The following CDH13 variants were observed in gnomAD, a reference collection of about 807,000 sequenced individuals.
CDH13 encodes the protein cadherin 13.
A neutral mutation model predicts 63.8 loss-of-function variants in CDH13; 24 were observed. The observed-to-expected ratio is 0.38, with a 90% CI of 0.27 to 0.53. The LOEUF (loss-of-function observed/expected upper bound fraction) is 0.53. Ranked by LOEUF, CDH13 falls within the 20% of genes least tolerant of loss-of-function variation. The pLI is 0.85. For synonymous variants in CDH13, 503 were observed against 355.3 expected (o/e 1.42, Z -4.67); for missense variants, 1,049 against 903.1 (o/e 1.16, Z -2.07).
chr16:83,451,902 T>G (rs1381336108), intron 6 of CDH13, among the ~76,000 whole-genome samples: 3 of 152,258 alleles, frequency 2.0e-5, no homozygotes, highest in Non-Finnish European at 4.4e-5. Flanking sequence ...TAATTTAAAA[T>G]GGAGCCTTCA....
chr16:82,899,119 G>A (rs1597168773), intron 2 of CDH13, among the ~76,000 whole-genome samples: 2 of 152,310 alleles, frequency 1.3e-5, no homozygotes, highest in South Asian at 2.1e-4. Context: ...AGAAATAGAG[G>A]GCACAGTGTG....
chr16:83,410,305 G>A (rs1171134544), intron 6 of CDH13, among the ~76,000 whole-genome samples: 2 of 152,142 alleles, frequency 1.3e-5, no homozygotes, highest in Non-Finnish European at 2.9e-5. Flanking sequence ...TTTATTTATT[G>A]CTTTTACTCT....
chr16:83,303,358 C>T (rs1245539582), intron 5 of CDH13, among the ~76,000 whole-genome samples: 2 of 152,152 alleles, frequency 1.3e-5, no homozygotes, highest in Non-Finnish European at 2.9e-5. Flanking sequence ...CAACTTTCTT[C>T]ATTGGGGAAT....
chr16:83,408,454 C>T (rs766688477), intron 6 of CDH13, among the ~76,000 whole-genome samples: 21 of 152,290 alleles, frequency 1.4e-4, no homozygotes, highest in Non-Finnish European at 3.1e-4. Flanking sequence ...GCCTAGGCTA[C>T]AAACCTGTAC....
At chr16:83,409,758 G>A (rs946982739) in intron 6 of CDH13, among the ~76,000 whole-genome samples, 5 of 152,192 alleles carry the variant, frequency 3.3e-5, no homozygotes, top group Non-Finnish European at 7.3e-5. Context: ...GTGGGATGTT[G>A]AGTGGTACAA....
At chr16:83,069,367 T>C (rs1437509523) in intron 3 of CDH13, among the ~76,000 whole-genome samples, 1 of 152,176 alleles carries the variant, frequency 6.6e-6, no homozygotes, top group Non-Finnish European at 1.5e-5. Context: ...TATGATCACA[T>C]AATTTTTGCA....
At chr16:83,551,891 G>A (rs2075507221) in intron 7 of CDH13, among the ~76,000 whole-genome samples, 1 of 152,144 alleles carries the variant, frequency 6.6e-6, no homozygotes, top group South Asian at 2.1e-4. Context: ...CTTAATGTTA[G>A]TTGAAAGAAA....
rs182377462 is a variant in CDH13 at position 83,047,296 on chromosome 16, T to C, written c.366+15078T>C. Among the ~76,000 whole-genome samples the C allele has an allele frequency of 1.6e-4, 25 of 152,318 alleles. No homozygotes were observed. Among genetic ancestry groups the C allele is most frequent in the Admixed American group, 7.9e-4 (12 of 15,282 alleles). On this transcript the variant is annotated intron_variant, in intron 3 of 13. Coordinates refer to ENST00000567109, the MANE Select transcript of CDH13 (RefSeq NM_001257.5). This position sits in a 1 kb window ranked among gnomAD's most constrained non-coding sequence, Gnocchi z 4.9. ...TCTGCTGTGAATTTAAGTCATCTAA[T>C]CAAAATGCATTATTTCTGTCCTTGC...
intron 6 of CDH13, among the ~76,000 whole-genome samples, chr16:83,367,552 C>A (rs1353628019): frequency 6.6e-6 from 1 of 152,156 alleles, no homozygotes; most frequent in African/African-American, 2.4e-5. Flanking sequence ...TCTGTGTTAA[C>A]CTTTGGAGAA....
In CDH13 at chr16:83,719,539, C is replaced by G. The variant is rs1320365990; in HGVS notation, c.1539-28569C>G. Among the ~76,000 whole-genome samples, 3 of 152,144 alleles carry G rather than the reference C, an allele frequency of 2.0e-5. No individual in the cohort carries two copies. The East Asian group carries it at 5.8e-4, about 29-fold the overall frequency. On this transcript the variant is annotated intron_variant, in intron 10 of 13. Transcript: ENST00000567109. ...AGCGCCACATTTTCCAGCACAACAA[C>G]TAGATTAGTAAGTGTTCGCTTATGA...
chr16:83,066,285 A>G (rs1194059649), intron 3 of CDH13, among the ~76,000 whole-genome samples: 1 of 152,180 alleles, frequency 6.6e-6, no homozygotes, highest in Non-Finnish European at 1.5e-5. Context: ...GGAGCTTCCT[A>G]AGACATGAGA....
At chr16:82,735,272 G>T (rs2033614951) in intron 1 of CDH13, among the ~76,000 whole-genome samples, 1 of 152,156 alleles carries the variant, frequency 6.6e-6, no homozygotes, top group South Asian at 2.1e-4. Context: ...GTGTACAGAA[G>T]GAACACTATT....
intron 2 of CDH13, among the ~76,000 whole-genome samples, chr16:82,909,053 C>T (rs958139220): frequency 6.6e-6 from 1 of 152,118 alleles, no homozygotes; most frequent in Non-Finnish European, 1.5e-5. Context: ...AGAGGGACAA[C>T]TATACTTTAA....
At chr16:83,003,162 G>T (rs1241796424) in intron 2 of CDH13, among the ~76,000 whole-genome samples, 1 of 152,168 alleles carries the variant, frequency 6.6e-6, no homozygotes, top group Non-Finnish European at 1.5e-5. Context: ...ATTTGTCTGT[G>T]TGTTCAGTCC....
chr16:82,673,228 A>T (rs932455545), intron 1 of CDH13, among the ~76,000 whole-genome samples: 3 of 151,538 alleles, frequency 2.0e-5, no homozygotes, highest in African/African-American at 7.3e-5. Context: ...TGTTTGATTA[A>T]TTTCCCCTTC....
intron 3 of CDH13, among the ~76,000 whole-genome samples, chr16:83,095,167 C>CTG (rs1459607261): frequency 1.3e-5 from 2 of 152,192 alleles, no homozygotes; most frequent in Non-Finnish European, 2.9e-5. Flanking sequence ...AATACTCACA[C>CTG]TGTGGCTGAT....
At chr16:82,947,877 G>T (rs1415291701) in intron 2 of CDH13, among the ~76,000 whole-genome samples, 1 of 152,168 alleles carries the variant, frequency 6.6e-6, no homozygotes, top group Non-Finnish European at 1.5e-5. Flanking sequence ...GTCACAGGGA[G>T]TAATGAATTC....
intron 7 of CDH13, among the ~76,000 whole-genome samples, chr16:83,561,855 A>C (rs777675780): frequency 6.6e-6 from 1 of 152,210 alleles, no homozygotes; most frequent in Non-Finnish European, 1.5e-5. Flanking sequence ...AAAAGAGACC[A>C]CTGCTCTGAA....
At chr16:83,009,090 A>T (rs1302708863) in intron 2 of CDH13, among the ~76,000 whole-genome samples, 1 of 152,220 alleles carries the variant, frequency 6.6e-6, no homozygotes, top group East Asian at 1.9e-4. Flanking sequence ...TTTCTACCCC[A>T]TGTGGGGATT....
Sources: allele counts gnomAD v4.1 joint callset (sites outside exome capture counted in the v4.1 genomes callset), GRCh38; gene constraint gnomAD v4.1.1; non-coding constraint Gnocchi (gnomAD v3.1); transcripts MANE v1.5; gene names NCBI Gene and HGNC (gene_info 2026-07-23, HGNC 2026-07-21).